The following CNTN5 variants were observed in gnomAD, a reference collection of about 807,000 sequenced individuals.
The protein encoded by CNTN5 is contactin 5.
Under a neutral mutation model 129.1 loss-of-function variants are expected in CNTN5, and 77 were observed. That is an observed-to-expected ratio of 0.60 (90% CI 0.50 to 0.72). The LOEUF is 0.72. CNTN5 is among the 30% of genes least tolerant of loss of function. The probability of loss-of-function intolerance (pLI) is 0.00; values close to 1 mark genes in which losing one functional copy is unlikely to be tolerated. For synonymous variants in CNTN5, 509 were observed against 465.6 expected (o/e 1.09, Z -1.20); for missense variants, 1,478 against 1,328.8 (o/e 1.11, Z -1.75).
intron 13 of CNTN5, among the ~76,000 whole-genome samples, chr11:100,176,452 C>T (rs1947965992): frequency 6.6e-6 from 1 of 151,892 alleles, no homozygotes; most frequent in Admixed American, 6.6e-5. Flanking sequence ...TTTATGTTGG[C>T]CCTTAAAAAT....
chr11:100,275,521 G>C (rs1950491391), intron 18 of CNTN5, among the ~76,000 whole-genome samples: 1 of 151,736 alleles, frequency 6.6e-6, no homozygotes, highest in Non-Finnish European at 1.5e-5. Flanking sequence ...TAATCCATTT[G>C]GGATGAATAA....
At chr11:99,802,673 A>T (rs1400393585) in intron 3 of CNTN5, among the ~76,000 whole-genome samples, 2 of 152,116 alleles carry the variant, frequency 1.3e-5, no homozygotes, top group Admixed American at 6.5e-5. Flanking sequence ...CTGCACAGGG[A>T]TGACAGGGTG....
At chr11:99,033,806 G>T (rs374828222) in intron 1 of CNTN5, among the ~76,000 whole-genome samples, 24 of 151,900 alleles carry the variant, frequency 1.6e-4, no homozygotes, top group South Asian at 4.2e-4. Flanking sequence ...CAACACTATG[G>T]TGAATAGGAG....
chr11:100,198,267 T>G (rs1591383191), intron 15 of CNTN5, among the ~76,000 whole-genome samples: 2 of 151,978 alleles, frequency 1.3e-5, no homozygotes, highest in Non-Finnish European at 2.9e-5. Flanking sequence ...ACTAACTAAC[T>G]TTTAAAATCA....
chr11:100,153,688 A>AAACTATGCCAAAACATTATATCTGGT (rs570243610), intron 13 of CNTN5, among the ~76,000 whole-genome samples: 8 of 152,248 alleles, frequency 5.3e-5, no homozygotes, highest in Admixed American at 4.6e-4. Flanking sequence ...TCGCAAGAAA[A>AAACTATGCCAAAACATTATATCTGGT]AACTATGCCA....
intron 1 of CNTN5, among the ~76,000 whole-genome samples, chr11:99,297,132 C>A (rs1312301885): frequency 1.3e-5 from 2 of 152,152 alleles, no homozygotes; most frequent in Non-Finnish European, 2.9e-5. Flanking sequence ...ATGACATAAA[C>A]CCTAACATTT....
intron 18 of CNTN5, among the ~76,000 whole-genome samples, chr11:100,281,583 C>G (rs1950641434): frequency 6.6e-6 from 1 of 152,070 alleles, no homozygotes; most frequent in Admixed American, 6.6e-5. Flanking sequence ...TGGGTTGAAT[C>G]TGCTTGGTGT....
chr11:99,995,397 C>A (rs1348026262), intron 8 of CNTN5, among the ~76,000 whole-genome samples: 4 of 151,776 alleles, frequency 2.6e-5, no homozygotes, highest in Non-Finnish European at 5.9e-5. Context: ...TAAACATTTT[C>A]CATCTAAACT....
intron 1 of CNTN5, among the ~76,000 whole-genome samples, chr11:99,056,008 C>T (rs1364495304): frequency 3.3e-5 from 5 of 152,078 alleles, no homozygotes; most frequent in South Asian, 4.2e-4. Flanking sequence ...TTAAGGGCCT[C>T]GTGGCTTTAA....
intron 13 of CNTN5, among the ~76,000 whole-genome samples, chr11:100,175,263 G>A (rs116194216): frequency 3.9e-4 from 59 of 151,956 alleles, no homozygotes; most frequent in Non-Finnish European, 7.1e-4. Context: ...TTGTCAGCCC[G>A]GTGTGCTTCA....
At chr11:99,813,079 T>A (rs748312344) in intron 3 of CNTN5, among the ~76,000 whole-genome samples, 7 of 152,140 alleles carry the variant, frequency 4.6e-5, no homozygotes, top group Non-Finnish European at 8.8e-5. Flanking sequence ...AGGTATCATT[T>A]GTGGTTTATT....
intron 6 of CNTN5, among the ~76,000 whole-genome samples, chr11:99,893,280 A>G (rs945428953): frequency 5.3e-5 from 8 of 152,152 alleles, no homozygotes; most frequent in African/African-American, 1.9e-4. Context: ...ATAACACCCT[A>G]AAAAAGCACA....
chr11:99,286,997 T>C (rs1158941381), intron 1 of CNTN5, among the ~76,000 whole-genome samples: 1 of 152,186 alleles, frequency 6.6e-6, no homozygotes, highest in Non-Finnish European at 1.5e-5. Context: ...CTTTCAACAA[T>C]ACCTTTAAAA....
intron 2 of CNTN5, among the ~76,000 whole-genome samples, chr11:99,414,942 C>T (rs1942580741): frequency 6.6e-6 from 1 of 152,098 alleles, no homozygotes. Flanking sequence ...CTTTGGCTTC[C>T]TGTTATAAAT....
intron 4 of CNTN5, among the ~76,000 whole-genome samples, chr11:99,820,450 C>T (rs1306356165): frequency 1.3e-5 from 2 of 152,294 alleles, no homozygotes; most frequent in African/African-American, 2.4e-5. Flanking sequence ...TCTATATATC[C>T]AACACTAAGA....
Position 100,126,509 on chromosome 11 carries a change from G to A in CNTN5, c.1580+52215G>A, listed in dbSNP as rs181057829. The stretch of plus-strand genomic sequence containing the variant: ...GATAGCTAACTCTTCTTGTTGAATT[G>A]AATCCTTTAACATTATGTATTGTCC... On this transcript the variant is annotated intron_variant, in intron 13 of 24. Coordinates refer to ENST00000524871, the MANE Select transcript of CNTN5 (RefSeq NM_014361.4). Among the ~76,000 whole-genome samples, 21 of 150,594 alleles carry A rather than the reference G, an allele frequency of 1.4e-4. No homozygotes were observed. In the East Asian group the frequency reaches 4.0e-3, roughly 29 times the overall value.
At chr11:99,054,177 G>T (rs1591112199) in intron 1 of CNTN5, among the ~76,000 whole-genome samples, 1 of 152,042 alleles carries the variant, frequency 6.6e-6, no homozygotes, top group African/African-American at 2.4e-5. Context: ...ACAACTTATT[G>T]CTTGTGCAAC....
chr11:99,981,076 G>GAATATATA (rs1385717951), intron 8 of CNTN5, among the ~76,000 whole-genome samples: 5 of 12,336 alleles, frequency 4.1e-4, no homozygotes, highest in Admixed American at 1.4e-3. Flanking sequence ...AGAGCCAATA[G>GAATATATA]GATATATATA....
At chr11:99,765,663 A>G (rs939361898) in intron 3 of CNTN5, among the ~76,000 whole-genome samples, 3 of 151,340 alleles carry the variant, frequency 2.0e-5, no homozygotes, top group Non-Finnish European at 4.4e-5. Flanking sequence ...TTACAAAAAA[A>G]GAAGCTAAGG....
Sources: allele counts gnomAD v4.1 joint callset (sites outside exome capture counted in the v4.1 genomes callset), GRCh38; gene constraint gnomAD v4.1.1; transcripts MANE v1.5; gene names NCBI Gene and HGNC (gene_info 2026-07-23, HGNC 2026-07-21).